Variants in AGBL1 observed in about 807,000 individuals in gnomAD.
AGBL1 encodes cytosolic carboxypeptidase 4.
In AGBL1, 130 loss-of-function variants were observed where a neutral mutation model predicts 118.9. The ratio of observed to expected loss-of-function variants is 1.09; its 90% CI spans 0.95 to 1.26. AGBL1 has a LOEUF of 1.26. Among genes scored for constraint, AGBL1 ranks in the 50% most tolerant of loss-of-function variants. AGBL1 has a pLI of 0.00. For missense variants in AGBL1, 1,584 were observed against 1,298.1 expected, an observed-to-expected ratio of 1.22 and a Z score of -3.38; for synonymous variants, 555 against 478.9, an observed-to-expected ratio of 1.16 and a Z score of -2.08.
chr15:86,886,488 G>T (rs73447121), intron 22 of AGBL1, among the ~76,000 whole-genome samples: 13,856 of 152,136 alleles, frequency 0.091, 759 homozygotes, highest in African/African-American at 0.14. Context: ...TTAAAGAAGA[G>T]AATTATTCTG....
At chr15:86,157,995 T>A (rs1272037907) in intron 4 of AGBL1, among the ~76,000 whole-genome samples, 1 of 152,214 alleles carries the variant, frequency 6.6e-6, no homozygotes, top group East Asian at 1.9e-4. Context: ...GAATTTTTTT[T>A]AATTACTTGC....
chr15:86,334,927 A>G (rs1044434580), intron 17 of AGBL1, among the ~76,000 whole-genome samples: 3 of 152,232 alleles, frequency 2.0e-5, no homozygotes, highest in South Asian at 2.1e-4. Context: ...ATCAACAGGC[A>G]TATTTAAGAA....
chr15:86,975,399 G>T (rs1241708561), intron 23 of AGBL1, among the ~76,000 whole-genome samples: 1 of 151,944 alleles, frequency 6.6e-6, no homozygotes, highest in African/African-American at 2.4e-5. Context: ...AGAAGAGCAC[G>T]AGAAAGAGAA....
chr15:86,384,089 T>C (rs2081149204), intron 17 of AGBL1, among the ~76,000 whole-genome samples: 2 of 152,182 alleles, frequency 1.3e-5, no homozygotes, highest in Non-Finnish European at 2.9e-5. Flanking sequence ...GTGATGTGTC[T>C]AGATTGCTGT....
At chr15:86,128,069 C>A (rs1011729412) in intron 1 of AGBL1, among the ~76,000 whole-genome samples, 1 of 152,130 alleles carries the variant, frequency 6.6e-6, no homozygotes, top group Admixed American at 6.5e-5. Flanking sequence ...GTATACCTTA[C>A]AAACTTGTCT....
At chr15:86,365,042 TAC>T (rs1234526029) in intron 17 of AGBL1, among the ~76,000 whole-genome samples, 1 of 112,838 alleles carries the variant, frequency 8.9e-6, no homozygotes. Context: ...CACATATATA[TAC>T]ACACATATAT....
intron 3 of AGBL1, among the ~76,000 whole-genome samples, chr15:86,150,459 AG>A (rs537289913): frequency 6.6e-6 from 1 of 152,318 alleles, no homozygotes; most frequent in African/African-American, 2.4e-5. Context: ...CCAATCCCAC[AG>A]AAACAGAAAC....
At position 86,117,880 on chromosome 15, in the gene AGBL1, G is replaced by A. The variant is rs769303525; in HGVS notation, c.52-24124G>A. On this transcript the variant is annotated intron_variant, in intron 1 of 22. Coordinates refer to ENST00000614907, the MANE Select transcript of AGBL1 (RefSeq NM_001386094.1). ...GTGATTTGGTGATTTGGATTGGTGC[G>A]GGAATCTGTAGTTTAGAAAGGTTAT... Among the ~76,000 whole-genome samples, 13 of 152,274 alleles carry A rather than the reference G, an allele frequency of 8.5e-5. 1 individual carries two copies. In the Middle Eastern group the frequency reaches 0.027, roughly 319 times the overall value.
chr15:86,986,897 G>C (rs2081289543), intron 23 of AGBL1, among the ~76,000 whole-genome samples: 1 of 152,132 alleles, frequency 6.6e-6, no homozygotes, highest in Non-Finnish European at 1.5e-5. Flanking sequence ...TCTGAAAAGA[G>C]AGTCAGCCAA....
chr15:86,488,779 C>T (rs1196301428), intron 18 of AGBL1, among the ~76,000 whole-genome samples: 1 of 152,062 alleles, frequency 6.6e-6, no homozygotes, highest in Non-Finnish European at 1.5e-5. Flanking sequence ...GGGAAATGTT[C>T]ATCTTCCTTG....
intron 23 of AGBL1, among the ~76,000 whole-genome samples, chr15:86,949,793 G>A (rs2080860041): frequency 6.6e-6 from 1 of 152,038 alleles, no homozygotes; most frequent in African/African-American, 2.4e-5. Flanking sequence ...AGTAATTTAT[G>A]AGCCTTTGTA....
intron 23 of AGBL1, among the ~76,000 whole-genome samples, chr15:86,951,652 G>A (rs1006975144): frequency 1.3e-5 from 2 of 152,106 alleles, no homozygotes; most frequent in African/African-American, 4.8e-5. Context: ...AAAAAGAGTT[G>A]CTAAGATGAG....
At chr15:86,883,625 A>G (rs1205893388) in intron 22 of AGBL1, among the ~76,000 whole-genome samples, 1 of 152,098 alleles carries the variant, frequency 6.6e-6, no homozygotes, top group East Asian at 1.9e-4. Flanking sequence ...CTCCAAGCCC[A>G]TCTCGCCCCG....
intron 17 of AGBL1, among the ~76,000 whole-genome samples, chr15:86,388,232 A>G (rs2081226318): frequency 6.6e-6 from 1 of 152,108 alleles, no homozygotes; most frequent in African/African-American, 2.4e-5. Context: ...GATTACCTGC[A>G]CTTTCTATTT....
intron 17 of AGBL1, among the ~76,000 whole-genome samples, chr15:86,324,637 G>A (rs952751760): frequency 1.3e-5 from 2 of 152,122 alleles, no homozygotes; most frequent in Admixed American, 1.3e-4. Flanking sequence ...GGAGACAGTC[G>A]ATAAACTGTC....
intron 5 of AGBL1, among the ~76,000 whole-genome samples, chr15:86,190,289 A>G (rs1221603561): frequency 2.0e-5 from 3 of 152,140 alleles, no homozygotes; most frequent in Admixed American, 2.0e-4. Context: ...TACAATTATC[A>G]TTACATTTTT....
At chr15:86,176,822 A>T (rs80325220) in intron 5 of AGBL1, among the ~76,000 whole-genome samples, 2 of 152,166 alleles carry the variant, frequency 1.3e-5, no homozygotes, top group African/African-American at 4.8e-5. Flanking sequence ...TTCAGGGCCC[A>T]TGAGGGCTGA....
chr15:86,311,318 T>C (rs1210111686), intron 17 of AGBL1, among the ~76,000 whole-genome samples: 2 of 152,236 alleles, frequency 1.3e-5, no homozygotes, highest in East Asian at 1.9e-4. Context: ...CCTTGATCTT[T>C]CTACTTTACA....
At chr15:86,792,145 T>C (rs1279021636) in intron 22 of AGBL1, among the ~76,000 whole-genome samples, 1 of 152,210 alleles carries the variant, frequency 6.6e-6, no homozygotes, top group Non-Finnish European at 1.5e-5. Flanking sequence ...TATTCTGAAG[T>C]AGGCCTGTCC....
Sources: allele counts gnomAD v4.1 joint callset (sites outside exome capture counted in the v4.1 genomes callset), GRCh38; gene constraint gnomAD v4.1.1; transcripts MANE v1.5; gene names NCBI Gene and HGNC (gene_info 2026-07-23, HGNC 2026-07-21).